BSDC1: variants seen among roughly 807,000 people sequenced by gnomAD.
BSDC1 encodes the protein BSD domain containing 1.
BSDC1 carries 29 observed loss-of-function variants against 56.0 expected under a neutral mutation model. The observed-to-expected ratio is 0.52, with a 90% CI of 0.39 to 0.71. The LOEUF (loss-of-function observed/expected upper bound fraction) is 0.71, where lower values mean the gene tolerates loss of function less well. BSDC1 is among the 30% of genes least tolerant of loss of function. The pLI is 0.00. For missense variants in BSDC1, 477 were observed against 548.5 expected (o/e 0.87, Z 1.30); for synonymous variants, 210 against 215.3 (o/e 0.98, Z 0.21).
chr1:32,373,554 C>T (rs1416245214), intron 9 of BSDC1, among the ~76,000 whole-genome samples: 1 of 152,116 alleles, frequency 6.6e-6, no homozygotes, highest in Non-Finnish European at 1.5e-5. Flanking sequence ...AGGGTCTCAG[C>T]TCTGTCACCC....
rs779787052 is a variant in BSDC1, at chr1:32,366,571, C to T, written c.*51G>A. ...TCTTCCAGGGCTGGGCTGAGACGAG[C>T]GAGGGAGGCGAGAGATGCCATGGGT... On this transcript the variant is annotated 3_prime_UTR_variant, in exon 11 of 11. Coordinates refer to ENST00000455895, the MANE Select transcript of BSDC1 (RefSeq NM_018045.8). 1.8e-5 allele frequency: 26 copies of T among 1,458,134 alleles called. No individual in the cohort carries two copies. The highest frequency in any genetic ancestry group is 2.5e-5 in the East Asian group (1 of 40,260). The allele number at this position is 1,458,134 out of a possible 1,614,324, so 90.3% of individuals were successfully genotyped here.
intron 2 of BSDC1, among the ~76,000 whole-genome samples, chr1:32,390,884 T>C (rs909390460): frequency 4.6e-5 from 7 of 152,030 alleles, no homozygotes; most frequent in African/African-American, 9.7e-5. Context: ...GCACTTCAGC[T>C]TGGGTGACAA....
intron 2 of BSDC1, chr1:32,393,792 G>A: frequency 2.2e-6 from 1 of 444,682 alleles, no homozygotes; most frequent in Non-Finnish European, 4.0e-6. Flanking sequence ...CTTTCACGAA[G>A]AAACTGAATT....
chr1:32,378,591 G>A lies in BSDC1; in HGVS notation c.528+133C>T, dbSNP rs1271307991. Reference sequence around the variant, plus strand: ...ATGTGGGGTCTTGGCTCAGGACACAGCTGGTCTGGCTCTATGGAGCCTCCC... The same window carrying A: ...ATGTGGGGTCTTGGCTCAGGACACAACTGGTCTGGCTCTATGGAGCCTCCC... On this transcript the variant is annotated intron_variant, in intron 6 of 10. Transcript: ENST00000455895. This position sits in a 1 kb window ranked among gnomAD's most constrained non-coding sequence, Gnocchi z 5.2. 1.4e-6 allele frequency: 1 copy of A among 690,710 alleles called. No individual in the cohort carries two copies. The highest frequency in any genetic ancestry group is 1.8e-5 in the African/African-American group (1 of 55,322). The allele number at this position is 690,710 out of a possible 1,614,324, so 42.8% of individuals were successfully genotyped here.
intron 2 of BSDC1, among the ~76,000 whole-genome samples, chr1:32,390,318 G>A (rs912200244): frequency 2.0e-5 from 3 of 152,220 alleles, no homozygotes; most frequent in African/African-American, 7.2e-5. Flanking sequence ...ATAGAAAAAT[G>A]TGAGTAAGGA....
intron 2 of BSDC1, among the ~76,000 whole-genome samples, chr1:32,387,363 C>CAA (rs1196194146): frequency 6.7e-6 from 1 of 149,438 alleles, no homozygotes; most frequent in Non-Finnish European, 1.5e-5. Flanking sequence ...TTTCTTGAGA[C>CAA]AGAGTCTCGC....
chr1:32,369,870 G>A (rs189681439), intron 9 of BSDC1, among the ~76,000 whole-genome samples: 2 of 152,340 alleles, frequency 1.3e-5, no homozygotes, highest in African/African-American at 4.8e-5. Flanking sequence ...TCAGCTCCCT[G>A]CAACCTCCGC....
intron 2 of BSDC1, among the ~76,000 whole-genome samples, chr1:32,393,192 T>C (rs1642924282): frequency 6.6e-6 from 1 of 152,210 alleles, no homozygotes; most frequent in Non-Finnish European, 1.5e-5. Flanking sequence ...TTTCCCACAA[T>C]TCAGTTGGGC....
At chr1:32,371,119 T>C (rs1057092362) in intron 9 of BSDC1, among the ~76,000 whole-genome samples, 2 of 152,092 alleles carry the variant, frequency 1.3e-5, no homozygotes, top group Non-Finnish European at 2.9e-5. Context: ...ACACAAATAG[T>C]TCCTTTCAAT....
At chr1:32,383,287 AT>A (rs991463396) in intron 4 of BSDC1, among the ~76,000 whole-genome samples, 23 of 151,940 alleles carry the variant, frequency 1.5e-4, no homozygotes, top group African/African-American at 5.1e-4. Context: ...TACCAAAATA[AT>A]TTTTTTAAAT....
rs761990858 is a variant in BSDC1, at chr1:32,394,398, GC to G, written c.11+5del. The stretch of plus-strand genomic sequence containing the variant: ...CCAACGCCTAGGAGCAAAACGACAA[GC>G]TCACCCTTCCGCCATCTTGCCTGCA... On this transcript the variant is annotated splice_donor_5th_base_variant and intron_variant, in intron 1 of 10. Transcript: ENST00000455895. The G allele has an allele frequency of 6.2e-7, 1 of 1,614,124 alleles. No individual in the cohort carries two copies. The highest frequency in any genetic ancestry group is 2.2e-5 in the East Asian group (1 of 44,870).
At position 32,380,880 on chromosome 1, in the gene BSDC1, C is replaced by T. The variant is rs7548510; in HGVS notation, c.412+334G>A. Among the ~76,000 whole-genome samples, 495 of 152,264 alleles carry T rather than the reference C, an allele frequency of 3.3e-3. 3 individuals carry two copies. Among genetic ancestry groups the T allele is most frequent in the African/African-American group, 0.011 (460 of 41,542 alleles). On this transcript the variant is annotated intron_variant, in intron 5 of 10. Coordinates refer to ENST00000455895, the MANE Select transcript of BSDC1 (RefSeq NM_018045.8). ...GAGGGTTTGGCTCATTTCTGATCTC[C>T]AGTTCCCATAATGGGGTTTGCTGCA... is the stretch of plus-strand genomic sequence containing the variant.
At chr1:32,384,070 T>C (rs555635802) in intron 3 of BSDC1, 73 bp from the exon 4 acceptor site, 18 of 1,604,466 alleles carry the variant, frequency 1.1e-5, no homozygotes, top group African/African-American at 4.0e-5. Context: ...GGGTAAAACA[T>C]TGGGGCAAAG....
rs146507231 is a variant in BSDC1, at chr1:32,381,949, G to A, written c.358-681C>T. Among the ~76,000 whole-genome samples, 258 of 152,252 alleles carry A rather than the reference G, an allele frequency of 1.7e-3. 3 individuals are homozygous for A. Among genetic ancestry groups the A allele is most frequent in the African/African-American group, 5.7e-3 (238 of 41,540 alleles). ...TTGGAACAAAAGTTCAATGTGGGCC[G>A]GGTGCGGTGGCTCACGCCTGTAATC... On this transcript the variant is annotated intron_variant, in intron 4 of 10. Transcript: ENST00000455895.
At chr1:32,379,171 G>A (rs1037439957) in intron 5 of BSDC1, among the ~76,000 whole-genome samples, 3 of 151,944 alleles carry the variant, frequency 2.0e-5, no homozygotes, top group Non-Finnish European at 2.9e-5. Flanking sequence ...GTCTTCCCTC[G>A]TGTGACCATC....
At chr1:32,371,795 G>A (rs1411483139) in intron 9 of BSDC1, among the ~76,000 whole-genome samples, 1 of 152,050 alleles carries the variant, frequency 6.6e-6, no homozygotes, top group Non-Finnish European at 1.5e-5. Flanking sequence ...CTCTCTTCTA[G>A]CCAGAGCATG....
intron 9 of BSDC1, among the ~76,000 whole-genome samples, chr1:32,369,530 T>C (rs1641991774): frequency 6.6e-6 from 1 of 152,000 alleles, no homozygotes; most frequent in Admixed American, 6.6e-5. Context: ...AAACCTCCCC[T>C]CGGACCCCCA....
chr1:32,368,891 G>T (rs974046334), intron 9 of BSDC1, among the ~76,000 whole-genome samples: 1 of 152,064 alleles, frequency 6.6e-6, no homozygotes, highest in Non-Finnish European at 1.5e-5. Context: ...GTAGAGACGG[G>T]GTTTCACCAT....
chr1:32,386,974 C>G (rs1642694626), intron 2 of BSDC1, 79 bp from the exon 3 acceptor site: 1 of 1,089,776 alleles, frequency 9.2e-7, no homozygotes, highest in Non-Finnish European at 1.4e-6. Flanking sequence ...TTCTTCAGTA[C>G]CAGACAGACA....
Sources: gnomAD v4.1 joint callset for allele counts (sites outside exome capture counted in the v4.1 genomes callset) on GRCh38, gnomAD v4.1.1 for gene constraint, Gnocchi (gnomAD v3.1) non-coding constraint, MANE v1.5 for transcripts, NCBI Gene and HGNC (gene_info 2026-07-23, HGNC 2026-07-21) for gene names.